Variants in SCRG1 observed in about 807,000 individuals in gnomAD.
The protein encoded by SCRG1 is scrapie-responsive protein 1.
Under a neutral mutation model 7.7 loss-of-function variants are expected in SCRG1, and 3 were observed. The ratio of observed to expected loss-of-function variants is 0.39; its 90% CI spans 0.18 to 1.01. SCRG1 has a LOEUF of 1.01. Ranked by LOEUF, SCRG1 falls within the 50% of genes least tolerant of loss-of-function variation. The pLI, the probability that SCRG1 is intolerant of heterozygous loss-of-function variation, is 0.36. For synonymous variants in SCRG1, 46 were observed against 41.2 expected (o/e 1.12, Z -0.44); for missense variants, 110 against 117.2 (o/e 0.94, Z 0.28).
chr4:173,515,348 G>T, the SCRG1 span, among the ~76,000 whole-genome samples: 10 of 151,676 alleles, frequency 6.6e-5, no homozygotes, highest in Admixed American at 6.6e-4. This position sits in a 1 kb window ranked among gnomAD's most constrained non-coding sequence, Gnocchi z 4.6. Context: ...AGGTCACTTA[G>T]AACCAATTCT....
At chr4:173,485,192 A>T in the SCRG1 span, among the ~76,000 whole-genome samples, 12,489 of 32,206 alleles carry the variant, frequency 0.39, 5,189 homozygotes, top group Non-Finnish European at 0.55. Flanking sequence ...CATTATATGT[A>T]ATATATATGA....
At chr4:173,462,303 C>T in the SCRG1 span, among the ~76,000 whole-genome samples, 1 of 152,054 alleles carries the variant, frequency 6.6e-6, no homozygotes, top group Non-Finnish European at 1.5e-5. Flanking sequence ...ATCCTAAAAG[C>T]AGCAAAAGAA....
At chr4:173,485,125 A>G in the SCRG1 span, among the ~76,000 whole-genome samples, 2 of 57,608 alleles carry the variant, frequency 3.5e-5, 1 homozygote, top group Non-Finnish European at 6.2e-5. Flanking sequence ...AATATATAAT[A>G]TATCATATAT....
At chr4:173,465,424 T>G in the SCRG1 span, among the ~76,000 whole-genome samples, 1 of 152,100 alleles carries the variant, frequency 6.6e-6, no homozygotes, top group African/African-American at 2.4e-5. Context: ...TAGTATACAA[T>G]GAATATTAAT....
chr4:173,436,887 G>A, the SCRG1 span, among the ~76,000 whole-genome samples: 1 of 152,136 alleles, frequency 6.6e-6, no homozygotes, highest in African/African-American at 2.4e-5. Context: ...GGTGTCCCAG[G>A]TGTGTTGATT....
the SCRG1 span, among the ~76,000 whole-genome samples, chr4:173,474,999 A>G: frequency 2.7e-5 from 4 of 150,908 alleles, no homozygotes; most frequent in South Asian, 2.1e-4. Flanking sequence ...AGTAAATAAG[A>G]TGAAAAATCC....
the SCRG1 span, among the ~76,000 whole-genome samples, chr4:173,485,082 A>ATT: frequency 5.7e-4 from 5 of 8,790 alleles, no homozygotes; most frequent in Non-Finnish European, 9.6e-4. Context: ...TATATTATAT[A>ATT]ATATATTATA....
At chr4:173,515,668 G>C in the SCRG1 span, among the ~76,000 whole-genome samples, 2 of 152,072 alleles carry the variant, frequency 1.3e-5, no homozygotes, top group African/African-American at 4.8e-5. This position sits in a 1 kb window ranked among gnomAD's most constrained non-coding sequence, Gnocchi z 4.6. Flanking sequence ...TGGTGGGGCT[G>C]TGTGTCACCC....
the SCRG1 span, among the ~76,000 whole-genome samples, chr4:173,460,311 G>T: frequency 6.6e-6 from 1 of 152,158 alleles, no homozygotes; most frequent in East Asian, 1.9e-4. Context: ...TGGGGCATGC[G>T]ACATACTGAG....
At chr4:173,498,163 T>A in the SCRG1 span, among the ~76,000 whole-genome samples, 2 of 152,252 alleles carry the variant, frequency 1.3e-5, no homozygotes. Context: ...TTCTCTTACA[T>A]TGAATTCAAG....
At chr4:173,403,010 G>A (rs1456027842), upstream of SCRG1, 1 of 152,164 alleles carries the variant, frequency 6.6e-6, no homozygotes, top group Non-Finnish European at 1.5e-5. Context: ...CAGTAAAAGA[G>A]TTTCCTCTTT....
At chr4:173,444,571 TTTTCTGATTTCTGG>T in the SCRG1 span, among the ~76,000 whole-genome samples, 2 of 152,202 alleles carry the variant, frequency 1.3e-5, no homozygotes, top group African/African-American at 4.8e-5. Flanking sequence ...TTGGTTGTAG[TTTTCTGATTTCTGG>T]TTTCTGATTT....
chr4:173,502,619 T>C, the SCRG1 span, among the ~76,000 whole-genome samples: 1 of 152,110 alleles, frequency 6.6e-6, no homozygotes, highest in Non-Finnish European at 1.5e-5. The surrounding 1 kb of genome is among the most constrained non-coding windows in gnomAD (Gnocchi z 4.6). Flanking sequence ...GGCCTGAGGC[T>C]GCAAAGATTG....
At chr4:173,453,614 A>G in the SCRG1 span, among the ~76,000 whole-genome samples, 19 of 152,360 alleles carry the variant, frequency 1.2e-4, no homozygotes, top group East Asian at 3.7e-3. Flanking sequence ...GAACATATCT[A>G]TACATAGAAA....
the SCRG1 span, among the ~76,000 whole-genome samples, chr4:173,484,201 T>A: frequency 0.69 from 62,756 of 90,474 alleles, 21,817 homozygotes; most frequent in Non-Finnish European, 0.75. Flanking sequence ...TATTATATAT[T>A]ATATATATTT....
the SCRG1 span, among the ~76,000 whole-genome samples, chr4:173,500,696 G>A: frequency 2.0e-5 from 3 of 152,106 alleles, no homozygotes; most frequent in Admixed American, 2.0e-4. Context: ...TGTTGCCCCA[G>A]GTTGGTCTCA....
chr4:173,430,485 C>T, the SCRG1 span, among the ~76,000 whole-genome samples: 1 of 151,982 alleles, frequency 6.6e-6, no homozygotes, highest in South Asian at 2.1e-4. Context: ...ACTCACAATT[C>T]TAAATTACAA....
chr4:173,438,961 A>G, the SCRG1 span, among the ~76,000 whole-genome samples: 2 of 151,902 alleles, frequency 1.3e-5, no homozygotes, highest in Non-Finnish European at 2.9e-5. Context: ...AACGGTTCCA[A>G]TTAGAAGTGG....
the SCRG1 span, among the ~76,000 whole-genome samples, chr4:173,484,856 ATATT>A: frequency 1.2e-5 from 1 of 80,624 alleles, no homozygotes; most frequent in Non-Finnish European, 2.1e-5. Flanking sequence ...TATATAATAT[ATATT>A]ATGTATATTT....
Sources: allele counts gnomAD v4.1 joint callset (sites outside exome capture counted in the v4.1 genomes callset), GRCh38; gene constraint gnomAD v4.1.1; non-coding constraint Gnocchi (gnomAD v3.1); transcripts MANE v1.5; gene names NCBI Gene and HGNC (gene_info 2026-07-23, HGNC 2026-07-21).